KIAA0825: variants seen among roughly 807,000 people sequenced by gnomAD.
KIAA0825 encodes uncharacterized protein KIAA0825.
A neutral mutation model predicts 147.6 loss-of-function variants in KIAA0825; 119 were observed. The ratio of observed to expected loss-of-function variants is 0.81; its 90% CI spans 0.69 to 0.94. KIAA0825 has a LOEUF of 0.94. Among genes scored for constraint, KIAA0825 ranks in the 40% least tolerant of loss-of-function variants. KIAA0825 has a pLI of 0.00. For missense variants in KIAA0825, 1,381 were observed against 1,472.7 expected, an observed-to-expected ratio of 0.94 and a Z score of 1.02; for synonymous variants, 470 against 518.1, an observed-to-expected ratio of 0.91 and a Z score of 1.26.
chr5:94,575,182 G>A (rs946213243), intron 2 of KIAA0825, among the ~76,000 whole-genome samples: 4 of 151,950 alleles, frequency 2.6e-5, no homozygotes, highest in African/African-American at 7.3e-5. Context: ...TACATAAGAG[G>A]GAGTCAAAAA....
At chr5:94,451,241 A>T (rs1255252122) in intron 13 of KIAA0825, among the ~76,000 whole-genome samples, 1 of 152,124 alleles carries the variant, frequency 6.6e-6, no homozygotes, top group Non-Finnish European at 1.5e-5. Context: ...TAATCACTCC[A>T]CAGTAGTCTA....
intron 20 of KIAA0825, among the ~76,000 whole-genome samples, chr5:94,229,740 C>T (rs752930667): frequency 2.0e-5 from 3 of 151,854 alleles, no homozygotes; most frequent in Non-Finnish European, 4.4e-5. Context: ...TCTTATAGGT[C>T]ATTTTTTATT....
intron 1 of KIAA0825, among the ~76,000 whole-genome samples, chr5:94,603,775 C>T (rs545461379): frequency 6.6e-6 from 1 of 152,284 alleles, no homozygotes; most frequent in African/African-American, 2.4e-5. Flanking sequence ...GTGTTGCAAT[C>T]CTAGTTTCTG....
chr5:94,494,004 CTT>C (rs1050678837), intron 5 of KIAA0825, among the ~76,000 whole-genome samples: 6 of 152,148 alleles, frequency 3.9e-5, no homozygotes, highest in African/African-American at 1.4e-4. Context: ...TAAATATCCT[CTT>C]GTTTCACATA....
chr5:94,204,591 T>G (rs1486967362), intron 20 of KIAA0825, among the ~76,000 whole-genome samples: 1 of 152,232 alleles, frequency 6.6e-6, no homozygotes, highest in African/African-American at 2.4e-5. Flanking sequence ...CCTTCAAAGA[T>G]TAACAGTGTG....
intron 20 of KIAA0825, among the ~76,000 whole-genome samples, chr5:94,204,504 G>A (rs1051786747): frequency 1.3e-5 from 2 of 151,976 alleles, no homozygotes; most frequent in African/African-American, 4.8e-5. Flanking sequence ...CCAAACAAAT[G>A]GAAAAAACTA....
At chr5:94,453,138 TGATTTTTACTTAG>T in intron 12 of KIAA0825, 69 bp from the exon 13 acceptor site, 2 of 786,892 alleles carry the variant, frequency 2.5e-6, no homozygotes, top group Non-Finnish European at 4.0e-6. Flanking sequence ...AAATAACTTT[TGATTTTTACTTAG>T]GATTCAGTTA....
chr5:94,468,840 A>G lies in KIAA0825; in HGVS notation c.1872+1121T>C, dbSNP rs149257686. On this transcript the variant is annotated intron_variant, in intron 10 of 20. Coordinates refer to ENST00000682413, the MANE Select transcript of KIAA0825 (RefSeq NM_001145678.3). ...AGTGATTAGGACAATCAAGAAAATG[A>G]AAATCATAAACTTCAATCTAGAGGA... is the stretch of plus-strand genomic sequence containing the variant. 8.0e-3 allele frequency among the ~76,000 whole-genome samples: 1,212 copies of G among 152,362 alleles called. 13 individuals carry two copies. Among genetic ancestry groups the G allele is most frequent in the African/African-American group, 0.027 (1,112 of 41,576 alleles).
chr5:94,349,095 GA>G (rs1640160423), intron 20 of KIAA0825, among the ~76,000 whole-genome samples: 1 of 151,044 alleles, frequency 6.6e-6, no homozygotes, highest in Admixed American at 6.6e-5. Flanking sequence ...TAAATGGGTG[GA>G]AAAAGGCATT....
intron 20 of KIAA0825, among the ~76,000 whole-genome samples, chr5:94,325,614 A>G (rs907615610): frequency 6.6e-6 from 1 of 151,998 alleles, no homozygotes; most frequent in African/African-American, 2.4e-5. Flanking sequence ...GCAAATCTCA[A>G]TTAACTTTAG....
chr5:94,321,205 AC>A (rs1780160427), intron 20 of KIAA0825, among the ~76,000 whole-genome samples: 1 of 152,006 alleles, frequency 6.6e-6, no homozygotes, highest in South Asian at 2.1e-4. Context: ...TGGGTTAAAT[AC>A]CCCAAGGTCA....
At chr5:94,239,813 T>A (rs1342002845) in intron 20 of KIAA0825, among the ~76,000 whole-genome samples, 1 of 152,196 alleles carries the variant, frequency 6.6e-6, no homozygotes, top group Non-Finnish European at 1.5e-5. Flanking sequence ...TACTTTATTT[T>A]GCCAAAAATA....
At chr5:94,574,537 C>G (rs1443844248) in intron 2 of KIAA0825, among the ~76,000 whole-genome samples, 2 of 99,610 alleles carry the variant, frequency 2.0e-5, no homozygotes. Context: ...GTGTAAGACT[C>G]CATCTCAAAA....
chr5:94,473,287 C>T lies in KIAA0825; in HGVS notation c.1455+5G>A. The T allele has an allele frequency of 6.5e-7, 1 of 1,550,376 alleles. No individual in the cohort carries two copies. The highest frequency in any genetic ancestry group is 8.7e-7 in the Non-Finnish European group (1 of 1,145,900). On this transcript the variant is annotated splice_donor_5th_base_variant and intron_variant, in intron 8 of 20. Coordinates refer to ENST00000682413, the MANE Select transcript of KIAA0825 (RefSeq NM_001145678.3). The stretch of plus-strand genomic sequence containing the variant: ...CAGCAGTTTGAAAGGATTTCATATA[C>T]TTGCTTTTCCAATTTTCTTTGGTTG...
chr5:94,321,541 C>T (rs1780203033), intron 20 of KIAA0825, among the ~76,000 whole-genome samples: 1 of 151,938 alleles, frequency 6.6e-6, no homozygotes, highest in Non-Finnish European at 1.5e-5. Flanking sequence ...AGATATGAGT[C>T]TAAGTAAAGC....
At chr5:94,545,329 A>G (rs1274425359) in intron 2 of KIAA0825, among the ~76,000 whole-genome samples, 2 of 152,210 alleles carry the variant, frequency 1.3e-5, no homozygotes, top group Non-Finnish European at 2.9e-5. Context: ...TGCTGGGCTT[A>G]GAACCAGTGG....
chr5:94,357,536 G>A (rs1017785859), intron 20 of KIAA0825, among the ~76,000 whole-genome samples: 2 of 152,136 alleles, frequency 1.3e-5, no homozygotes, highest in East Asian at 1.9e-4. Flanking sequence ...CAAAAGAGGC[G>A]GAATTTTGCT....
chr5:94,225,254 T>C (rs1774058045), intron 20 of KIAA0825, among the ~76,000 whole-genome samples: 1 of 152,222 alleles, frequency 6.6e-6, no homozygotes, highest in Non-Finnish European at 1.5e-5. Context: ...AGCATAAATT[T>C]AAGAGTAAAA....
intron 20 of KIAA0825, among the ~76,000 whole-genome samples, chr5:94,271,155 G>C (rs1048381083): frequency 6.6e-6 from 1 of 151,972 alleles, no homozygotes; most frequent in South Asian, 2.1e-4. Flanking sequence ...TTAAATCTAA[G>C]ACCTCAAACT....
Sources: gnomAD v4.1 joint callset for allele counts (sites outside exome capture counted in the v4.1 genomes callset) on GRCh38, gnomAD v4.1.1 for gene constraint, MANE v1.5 for transcripts, NCBI Gene and HGNC (gene_info 2026-07-23, HGNC 2026-07-21) for gene names.